A1CF: variants seen among roughly 807,000 people sequenced by gnomAD.
A1CF encodes the protein APOBEC1 complementation factor.
In A1CF, 48 loss-of-function variants were observed where a neutral mutation model predicts 68.9. The observed-to-expected ratio is 0.70, with a 90% CI of 0.55 to 0.89. The LOEUF (loss-of-function observed/expected upper bound fraction) is 0.89, where lower values mean the gene tolerates loss of function less well. Ranked by LOEUF, A1CF falls within the 40% of genes least tolerant of loss-of-function variation. A1CF has a pLI of 0.00. For missense variants in A1CF, 653 were observed against 718.9 expected (o/e 0.91, Z 1.05); for synonymous variants, 272 against 260.4 (o/e 1.04, Z -0.43).
At chr10:50,809,012 T>TA (rs202004430) in intron 12 of A1CF, among the ~76,000 whole-genome samples, 294 of 142,316 alleles carry the variant, frequency 2.1e-3, no homozygotes, top group African/African-American at 6.1e-3. Context: ...AATCTTTTAC[T>TA]AAAAAAAAAA....
chr10:50,858,779 T>A (rs554006462), intron 3 of A1CF, among the ~76,000 whole-genome samples: 1 of 152,190 alleles, frequency 6.6e-6, no homozygotes, highest in Non-Finnish European at 1.5e-5. Flanking sequence ...TAATTTGAAT[T>A]TTAAGTATTA....
At chr10:50,825,141 T>C (rs1028512356) in intron 7 of A1CF, among the ~76,000 whole-genome samples, 2 of 152,192 alleles carry the variant, frequency 1.3e-5, no homozygotes, top group Admixed American at 6.6e-5. Context: ...CATTCTGTTC[T>C]ATCTGAAGTA....
At position 50,882,756 on chromosome 10, in the gene A1CF, G is replaced by T. The variant is rs151068477; in HGVS notation, c.-94+2825C>A. Among the ~76,000 whole-genome samples, 1,336 of 152,268 alleles carry T rather than the reference G, an allele frequency of 8.8e-3. 8 individuals are homozygous for T. The highest frequency in any genetic ancestry group is 0.017 in the Middle Eastern group (5 of 292). On this transcript the variant is annotated intron_variant, in intron 1 of 12. Coordinates refer to ENST00000373997, the MANE Select transcript of A1CF (RefSeq NM_014576.4). ...ATCCTCTGTCGATCAATACTGTCTTGTTTGAACTTATTGAGTCATTTTAGA... is the reference window on the plus strand; with the variant it reads ...ATCCTCTGTCGATCAATACTGTCTTTTTTGAACTTATTGAGTCATTTTAGA...
intron 3 of A1CF, among the ~76,000 whole-genome samples, chr10:50,856,084 A>T (rs1247124890): frequency 6.6e-6 from 1 of 151,996 alleles, no homozygotes; most frequent in Non-Finnish European, 1.5e-5. Flanking sequence ...TATTTAGGCT[A>T]CCCTTTCGAC....
Position 50,809,937 on chromosome 10 carries a change from A to G in A1CF, c.1566T>C (p.Asp522=). 1 of 1,614,040 alleles carries G rather than the reference A, an allele frequency of 6.2e-7. No homozygotes were observed. The highest frequency in any genetic ancestry group is 8.5e-7 in the Non-Finnish European group (1 of 1,179,928). The stretch of plus-strand genomic sequence containing the variant: ...CAGCAGCAGCAGTAGCCATGGTGCC[A>G]TCGCCTCCATCAGTGGGGATGCCCA... ...QTLGIPTDGG[D]GTMATAAAAA... is the part of the protein sequence containing the mutation. The change falls in exon 12 of 13, where the codon GAT becomes GAC. Residue 522 remains aspartate (D), a synonymous_variant. Coordinates refer to ENST00000373997, the MANE Select transcript of A1CF (RefSeq NM_014576.4).
At chr10:50,841,478 CCACCTTCT>C (rs1839773413) in intron 5 of A1CF, among the ~76,000 whole-genome samples, 1 of 152,132 alleles carries the variant, frequency 6.6e-6, no homozygotes, top group African/African-American at 2.4e-5. Context: ...ATTAGAGTAG[CCACCTTCT>C]CACACAACTT....
chr10:50,865,765 C>T (rs546550511), intron 1 of A1CF, among the ~76,000 whole-genome samples: 1 of 152,200 alleles, frequency 6.6e-6, no homozygotes, highest in East Asian at 1.9e-4. Context: ...CTCTGTGATG[C>T]TTTCTTTCTT....
At position 50,804,716 on chromosome 10, in the gene A1CF, TCTTAA is replaced by T. The variant is rs1297482593; in HGVS notation, c.*2008_*2012del. ...GGGATAAATATGATTTGGCTATTTG[TCTTAA>T]CTTAGATGATTTTTTAATTGCATTT... On this transcript the variant is annotated 3_prime_UTR_variant, in exon 13 of 13. Coordinates refer to ENST00000373997, the MANE Select transcript of A1CF (RefSeq NM_014576.4). 1.3e-5 allele frequency: 2 copies of T among 152,222 alleles called. No homozygotes were observed. Among genetic ancestry groups the T allele is most frequent in the African/African-American group, 2.4e-5 (1 of 41,462 alleles). 9.4% of individuals were successfully genotyped at this position (152,222 alleles called of 1,614,324 possible).
Position 50,878,846 on chromosome 10 carries a change from C to T in A1CF, c.-94+6735G>A, listed in dbSNP as rs192650825. On this transcript the variant is annotated intron_variant, in intron 1 of 12. Transcript: ENST00000373997. ...TAGACATGGATGAATTAGTATGTTGCAAGTGTGATACTCAAATGACTTTAC... is the reference window on the plus strand; with the variant it reads ...TAGACATGGATGAATTAGTATGTTGTAAGTGTGATACTCAAATGACTTTAC... 4.0e-4 allele frequency among the ~76,000 whole-genome samples: 61 copies of T among 152,288 alleles called. 3 individuals are homozygous for T. In the South Asian group the frequency reaches 0.011, roughly 27 times the overall value.
Position 50,803,291 on chromosome 10 carries a change from C to T in A1CF, c.*3438G>A, listed in dbSNP as rs4282939. On this transcript the variant is annotated 3_prime_UTR_variant, in exon 13 of 13. Transcript: ENST00000373997. ...TTTGTTTTTTTTTTTTTTGTAGAGG[C>T]GGAGTCTCTCCATGTTGCCCAGGCT... 31,430 of 147,580 alleles carry T rather than the reference C, an allele frequency of 0.21. 4,032 individuals are homozygous for T. Among genetic ancestry groups the T allele is most frequent in the East Asian group, 0.46 (2,320 of 5,052 alleles). 9.1% of individuals were successfully genotyped at this position (147,580 alleles called of 1,614,324 possible). A position where few individuals can be genotyped will look rare whatever the true frequency, so the allele number is the denominator to read the frequency against.
At chr10:50,832,341 C>T (rs1027952164) in intron 6 of A1CF, among the ~76,000 whole-genome samples, 1 of 152,104 alleles carries the variant, frequency 6.6e-6, no homozygotes, top group South Asian at 2.1e-4. Context: ...AAAGATTTAC[C>T]AGCTCGTTAC....
rs993876272 is a variant in A1CF, at chr10:50,802,601, A to C, written c.*4128T>G. The C allele has an allele frequency of 1.3e-5, 2 of 152,214 alleles. No homozygotes were observed. Among genetic ancestry groups the C allele is most frequent in the Non-Finnish European group, 2.9e-5 (2 of 68,024 alleles). The allele number at this position is 152,214 out of a possible 1,614,324, so 9.4% of individuals were successfully genotyped here. ...CCCCTGGGAACTTTTATATGAATGC[A>C]AGAAGAGAATAATCATGACTTTATG... On this transcript the variant is annotated 3_prime_UTR_variant, in exon 13 of 13. Transcript: ENST00000373997.
At chr10:50,851,540 C>T (rs1840240239) in intron 3 of A1CF, among the ~76,000 whole-genome samples, 1 of 152,102 alleles carries the variant, frequency 6.6e-6, no homozygotes, top group Non-Finnish European at 1.5e-5. Context: ...TATCATTTCC[C>T]ATAAATGGTC....
chr10:50,854,789 A>C (rs1381751455), intron 3 of A1CF, among the ~76,000 whole-genome samples: 2 of 151,974 alleles, frequency 1.3e-5, no homozygotes, highest in African/African-American at 4.8e-5. Flanking sequence ...AACAAAACAA[A>C]ACAAAAAATA....
chr10:50,827,247 A>G (rs1448268370), intron 7 of A1CF, among the ~76,000 whole-genome samples: 1 of 152,200 alleles, frequency 6.6e-6, no homozygotes, highest in African/African-American at 2.4e-5. Context: ...TAACAAGGAT[A>G]TTCAGGAATT....
chr10:50,868,133 A>G (rs1841082286), intron 1 of A1CF, among the ~76,000 whole-genome samples: 1 of 152,202 alleles, frequency 6.6e-6, no homozygotes, highest in Non-Finnish European at 1.5e-5. Context: ...TTGACATTAC[A>G]TGATGTAGGC....
chr10:50,858,484 G>T (rs1840590210), intron 3 of A1CF, among the ~76,000 whole-genome samples: 1 of 151,916 alleles, frequency 6.6e-6, no homozygotes, highest in South Asian at 2.1e-4. Flanking sequence ...ATGCATTACA[G>T]CTAATGTCAC....
intron 12 of A1CF, among the ~76,000 whole-genome samples, chr10:50,809,423 A>T (rs972292101): frequency 2.6e-5 from 4 of 152,178 alleles, no homozygotes; most frequent in African/African-American, 9.7e-5. Context: ...CAAATTACTT[A>T]ATCTTTCTGT....
chr10:50,883,690 T>C (rs982171922), intron 1 of A1CF, among the ~76,000 whole-genome samples: 7 of 152,230 alleles, frequency 4.6e-5, no homozygotes, highest in Non-Finnish European at 1.0e-4. Context: ...TGTTCTGTTG[T>C]AAATTAAGCC....
Sources: gnomAD v4.1 joint callset for allele counts (sites outside exome capture counted in the v4.1 genomes callset) on GRCh38, gnomAD v4.1.1 for gene constraint, MANE v1.5 for transcripts, NCBI Gene and HGNC (gene_info 2026-07-23, HGNC 2026-07-21) for gene names.